The following SYTL5 variants were observed in gnomAD, a reference collection of about 807,000 sequenced individuals.
The protein encoded by SYTL5 is synaptotagmin-like protein 5.
A neutral mutation model predicts 55.9 loss-of-function variants in SYTL5; 34 were observed. The ratio of observed to expected loss-of-function variants is 0.61; its 90% CI spans 0.46 to 0.81. The LOEUF (loss-of-function observed/expected upper bound fraction) is 0.81, where lower values mean the gene tolerates loss of function less well. Ranked by LOEUF, SYTL5 falls within the 30% of genes least tolerant of loss-of-function variation. The probability of loss-of-function intolerance (pLI) is 0.00; values close to 1 mark genes in which losing one functional copy is unlikely to be tolerated. For missense variants in SYTL5, 637 were observed against 546.7 expected (o/e 1.17, Z -1.65); for synonymous variants, 221 against 188.7 (o/e 1.17, Z -1.40).
intron 1 of SYTL5, among the ~76,000 whole-genome samples, chrX:38,028,499 A>G (rs1934849389): frequency 8.9e-6 from 1 of 112,453 alleles, no homozygotes; most frequent in Non-Finnish European, 1.9e-5. Flanking sequence ...TGTTCACAAG[A>G]GTACACTTTA....
At chrX:37,958,006 C>T in the SYTL5 span, among the ~76,000 whole-genome samples, 2 of 111,304 alleles carry the variant, frequency 1.8e-5, no homozygotes, top group Admixed American at 1.9e-4. Context: ...GTCAGGAGAT[C>T]GAGACCAGCC....
At chrX:37,957,518 A>G in the SYTL5 span, among the ~76,000 whole-genome samples, 1 of 112,056 alleles carries the variant, frequency 8.9e-6, no homozygotes, top group South Asian at 3.7e-4. Flanking sequence ...TCTTCCCAGC[A>G]TCATTTACTG....
the SYTL5 span, among the ~76,000 whole-genome samples, chrX:37,967,736 T>C: frequency 1.8e-5 from 2 of 110,997 alleles, no homozygotes; most frequent in African/African-American, 6.6e-5. Flanking sequence ...TAAGTTTTAT[T>C]CACTTCTTTT....
chrX:37,909,222 C>G, the SYTL5 span, among the ~76,000 whole-genome samples: 1 of 112,234 alleles, frequency 8.9e-6, no homozygotes, highest in African/African-American at 3.2e-5. Flanking sequence ...ATTTAACTTT[C>G]TCTTTTCCAG....
the SYTL5 span, among the ~76,000 whole-genome samples, chrX:37,993,518 A>G: frequency 8.9e-6 from 1 of 112,488 alleles, no homozygotes; most frequent in Non-Finnish European, 1.9e-5. Context: ...TAAAATCATA[A>G]CACTCAAACA....
the SYTL5 span, among the ~76,000 whole-genome samples, chrX:37,901,856 C>T: frequency 1.8e-5 from 2 of 111,263 alleles, no homozygotes; most frequent in Non-Finnish European, 3.8e-5. Flanking sequence ...ATAACCAGTC[C>T]AGAGGCATAA....
the SYTL5 span, among the ~76,000 whole-genome samples, chrX:37,896,257 C>G: frequency 1.8e-5 from 2 of 111,917 alleles, no homozygotes; most frequent in Non-Finnish European, 3.8e-5. Flanking sequence ...CCTGGATTCA[C>G]AAATGAATGG....
the SYTL5 span, among the ~76,000 whole-genome samples, chrX:37,975,422 C>A: frequency 9.0e-6 from 1 of 111,618 alleles, no homozygotes; most frequent in Non-Finnish European, 1.9e-5. Flanking sequence ...ATTGACAGCA[C>A]CTTCAATAAT....
the SYTL5 span, among the ~76,000 whole-genome samples, chrX:37,916,152 T>C: frequency 2.7e-5 from 3 of 112,032 alleles, no homozygotes; most frequent in South Asian, 1.1e-3. Context: ...CTTGGATTCA[T>C]CAGTCTTCCT....
At chrX:37,940,876 A>C in the SYTL5 span, among the ~76,000 whole-genome samples, 14 of 111,039 alleles carry the variant, frequency 1.3e-4, no homozygotes, top group Admixed American at 5.8e-4. Context: ...GAGTCCAGTG[A>C]AAGAAATCAT....
chrX:38,028,621 C>G (rs1934855237), intron 1 of SYTL5, among the ~76,000 whole-genome samples: 1 of 111,831 alleles, frequency 8.9e-6, no homozygotes, highest in African/African-American at 3.2e-5. Flanking sequence ...TCACTTTGGT[C>G]TTCTATTAGC....
At chrX:38,031,957 T>C (rs1934965683) in intron 1 of SYTL5, among the ~76,000 whole-genome samples, 1 of 111,860 alleles carries the variant, frequency 8.9e-6, no homozygotes, top group Non-Finnish European at 1.9e-5. Context: ...GCTCTTTGTC[T>C]GTAGGAAGCA....
intron 13 of SYTL5, among the ~76,000 whole-genome samples, chrX:38,117,478 C>T (rs770348979): frequency 1.8e-5 from 2 of 112,063 alleles, no homozygotes; most frequent in Admixed American, 1.9e-4. Context: ...CCGAAGATCT[C>T]ACTCAAAAAG....
At chrX:37,910,599 C>G in the SYTL5 span, among the ~76,000 whole-genome samples, 2 of 112,500 alleles carry the variant, frequency 1.8e-5, no homozygotes, top group African/African-American at 6.5e-5. Context: ...GTCTGAGATT[C>G]TGCAGTTCTA....
intron 1 of SYTL5, chrX:38,023,998 A>G (rs1934662827): frequency 1.8e-5 from 2 of 111,037 alleles, no homozygotes; most frequent in African/African-American, 6.6e-5. Flanking sequence ...TTCCAAACTG[A>G]GAGCTCTGTG....
chrX:37,960,581 T>A, the SYTL5 span, among the ~76,000 whole-genome samples: 1 of 110,879 alleles, frequency 9.0e-6, no homozygotes, highest in Non-Finnish European at 1.9e-5. Context: ...TGATACCTCA[T>A]TAGAGTGGCT....
chrX:37,937,249 C>T, the SYTL5 span, among the ~76,000 whole-genome samples: 2 of 110,316 alleles, frequency 1.8e-5, no homozygotes, highest in South Asian at 4.0e-4. Flanking sequence ...ATCAGGGTAT[C>T]GAGTAGCCTA....
At chrX:37,923,875 T>C in the SYTL5 span, among the ~76,000 whole-genome samples, 1 of 111,791 alleles carries the variant, frequency 8.9e-6, no homozygotes, top group Non-Finnish European at 1.9e-5. Context: ...TAGTGTGTTG[T>C]TCAAAAAACA....
chrX:38,017,213 A>G (rs1331911833), intron 1 of SYTL5, among the ~76,000 whole-genome samples: 1 of 111,934 alleles, frequency 8.9e-6, no homozygotes, highest in African/African-American at 3.2e-5. Context: ...GAACAAGTAC[A>G]AAGTCTGACC....
Sources: gnomAD v4.1 joint callset for allele counts (sites outside exome capture counted in the v4.1 genomes callset) on GRCh38, gnomAD v4.1.1 for gene constraint, MANE v1.5 for transcripts, NCBI Gene and HGNC (gene_info 2026-07-23, HGNC 2026-07-21) for gene names.